DGKI: variants seen among roughly 807,000 people sequenced by gnomAD.
DGKI encodes the protein DAG kinase iota.
A neutral mutation model predicts 147.5 loss-of-function variants in DGKI; 55 were observed. The ratio of observed to expected loss-of-function variants is 0.37; its 90% CI spans 0.30 to 0.47. The LOEUF (loss-of-function observed/expected upper bound fraction) is 0.47, where lower values mean the gene tolerates loss of function less well. DGKI is among the 20% of genes least tolerant of loss of function. The probability of loss-of-function intolerance (pLI) is 1.00; values close to 1 mark genes in which losing one functional copy is unlikely to be tolerated. For missense variants in DGKI, 1,007 were observed against 1,323.8 expected (o/e 0.76, Z 3.71); for synonymous variants, 469 against 477.1 (o/e 0.98, Z 0.22).
intron 19 of DGKI, among the ~76,000 whole-genome samples, chr7:137,563,440 A>C (rs1818483314): frequency 6.6e-6 from 1 of 151,992 alleles, no homozygotes; most frequent in Admixed American, 6.5e-5. Context: ...TGGCATAAAA[A>C]TTTTTTAAAT....
At chr7:137,434,479 G>C (rs756603739) in intron 28 of DGKI, among the ~76,000 whole-genome samples, 1 of 152,140 alleles carries the variant, frequency 6.6e-6, no homozygotes, top group South Asian at 2.1e-4. Context: ...TACTCGGAAG[G>C]CTGAGACAGG....
At chr7:137,765,566 G>C (rs1054036283) in intron 1 of DGKI, among the ~76,000 whole-genome samples, 1 of 152,170 alleles carries the variant, frequency 6.6e-6, no homozygotes, top group Non-Finnish European at 1.5e-5. Context: ...GATATTCCTT[G>C]TCTTGTCTGT....
chr7:137,725,788 G>A (rs1296544911), intron 1 of DGKI, among the ~76,000 whole-genome samples: 3 of 152,016 alleles, frequency 2.0e-5, no homozygotes, highest in African/African-American at 4.8e-5. Flanking sequence ...AAATGAAACC[G>A]AAAGAGACCA....
At chr7:137,533,253 C>T (rs116157111) in intron 20 of DGKI, among the ~76,000 whole-genome samples, 1 of 151,970 alleles carries the variant, frequency 6.6e-6, no homozygotes, top group African/African-American at 2.4e-5. Context: ...AGTGCCACTA[C>T]ACTTCAGCCT....
chr7:137,557,336 C>T (rs778820268), intron 19 of DGKI, among the ~76,000 whole-genome samples: 34 of 151,852 alleles, frequency 2.2e-4, no homozygotes, highest in Admixed American at 1.5e-3. Flanking sequence ...TGTTAGAATC[C>T]GAAATATATA....
intron 1 of DGKI, among the ~76,000 whole-genome samples, chr7:137,717,549 C>T (rs1371497642): frequency 6.6e-6 from 1 of 152,144 alleles, no homozygotes; most frequent in African/African-American, 2.4e-5. Flanking sequence ...CAACTGAAAG[C>T]AGGTAGCACT....
chr7:137,567,922 C>G (rs1243051978), intron 19 of DGKI, among the ~76,000 whole-genome samples: 1 of 151,870 alleles, frequency 6.6e-6, no homozygotes, highest in Non-Finnish European at 1.5e-5. Context: ...AGGATTTGCT[C>G]CAGAATAATA....
chr7:137,728,689 G>C (rs1353318794), intron 1 of DGKI, among the ~76,000 whole-genome samples: 1 of 152,118 alleles, frequency 6.6e-6, no homozygotes, highest in Non-Finnish European at 1.5e-5. Context: ...CCAGTGCTCA[G>C]ACAGATATCA....
At chr7:137,696,327 C>T (rs902074884) in intron 1 of DGKI, among the ~76,000 whole-genome samples, 21 of 151,938 alleles carry the variant, frequency 1.4e-4, no homozygotes, top group African/African-American at 5.1e-4. Flanking sequence ...CGCACACTTT[C>T]CTCAGACAGA....
chr7:137,659,796 G>C (rs931637389), intron 3 of DGKI, among the ~76,000 whole-genome samples: 6 of 152,168 alleles, frequency 3.9e-5, no homozygotes, highest in Non-Finnish European at 7.4e-5. Flanking sequence ...AGCCAGGCAT[G>C]GTGGTGGGCA....
chr7:137,839,480 C>T (rs138739696), intron 1 of DGKI, among the ~76,000 whole-genome samples: 1 of 152,174 alleles, frequency 6.6e-6, no homozygotes, highest in African/African-American at 2.4e-5. Flanking sequence ...AACAAACACA[C>T]ATATAGCATG....
intron 1 of DGKI, among the ~76,000 whole-genome samples, chr7:137,721,346 T>C (rs1264416865): frequency 6.6e-6 from 1 of 152,194 alleles, no homozygotes; most frequent in Admixed American, 6.5e-5. Context: ...ATTGATCAAC[T>C]AATTGGTCCC....
At chr7:137,407,434 GA>G (rs954668885) in intron 30 of DGKI, among the ~76,000 whole-genome samples, 6 of 149,306 alleles carry the variant, frequency 4.0e-5, no homozygotes, top group Non-Finnish European at 8.9e-5. Flanking sequence ...AGATCAAACA[GA>G]AAAAAAAATG....
chr7:137,691,977 A>G (rs1157473293), intron 1 of DGKI, among the ~76,000 whole-genome samples: 1 of 152,022 alleles, frequency 6.6e-6, no homozygotes, highest in Non-Finnish European at 1.5e-5. Context: ...CGAAAGGGTC[A>G]TTATGAAGAT....
chr7:137,837,446 C>T (rs1257533350), intron 1 of DGKI, among the ~76,000 whole-genome samples: 1 of 152,190 alleles, frequency 6.6e-6, no homozygotes, highest in Non-Finnish European at 1.5e-5. Flanking sequence ...TCTGTGGCTT[C>T]CTGGAATATT....
chr7:137,668,191 T>C (rs1000019290), intron 3 of DGKI, among the ~76,000 whole-genome samples: 8 of 152,256 alleles, frequency 5.3e-5, no homozygotes, highest in African/African-American at 1.7e-4. Flanking sequence ...TTGCTTCATA[T>C]GATCTGTTCT....
intron 19 of DGKI, among the ~76,000 whole-genome samples, chr7:137,565,911 T>C (rs1432598723): frequency 1.3e-5 from 2 of 152,162 alleles, no homozygotes; most frequent in African/African-American, 4.8e-5. Context: ...ACTTTGAAAT[T>C]TGCAATTACA....
intron 23 of DGKI, among the ~76,000 whole-genome samples, chr7:137,480,338 T>C (rs1456293625): frequency 1.3e-5 from 2 of 152,136 alleles, no homozygotes; most frequent in Non-Finnish European, 2.9e-5. Flanking sequence ...ACTCTATCTA[T>C]TGAAGGACTC....
chr7:137,577,085 G>T, intron 17 of DGKI, 137 bp downstream of exon 17: 1 of 692,734 alleles, frequency 1.4e-6, no homozygotes, highest in Non-Finnish European at 2.6e-6. Context: ...AATAAGTGTA[G>T]GTTGAATGAA....
Sources: allele counts gnomAD v4.1 joint callset (sites outside exome capture counted in the v4.1 genomes callset), GRCh38; gene constraint gnomAD v4.1.1; transcripts MANE v1.5; gene names NCBI Gene and HGNC (gene_info 2026-07-23, HGNC 2026-07-21).